The following AMPD2 variants were observed in gnomAD, a reference collection of about 807,000 sequenced individuals.
The protein encoded by AMPD2 is adenosine monophosphate deaminase 2.
A neutral mutation model predicts 91.3 loss-of-function variants in AMPD2; 52 were observed. The observed-to-expected ratio is 0.57, with a 90% CI of 0.46 to 0.72. The LOEUF (loss-of-function observed/expected upper bound fraction) is 0.72. Among genes scored for constraint, AMPD2 ranks in the 30% least tolerant of loss-of-function variants. AMPD2 has a pLI of 0.00. For synonymous variants in AMPD2, 455 were observed against 456.4 expected (o/e 1.00, Z 0.04); for missense variants, 822 against 1,122.3 (o/e 0.73, Z 3.82).
intron 1 of AMPD2, chr1:109,620,676 A>G: frequency 1.7e-6 from 2 of 1,202,046 alleles, no homozygotes; most frequent in Non-Finnish European, 2.1e-6. Context: ...TTCACGGAGT[A>G]TGCCTGCCCT....
At chr1:109,623,261 G>A (rs1193232775) in intron 2 of AMPD2, among the ~76,000 whole-genome samples, 4 of 152,126 alleles carry the variant, frequency 2.6e-5, no homozygotes, top group African/African-American at 4.8e-5. Context: ...ACCACTTATC[G>A]CCCCACTTGT....
chr1:109,621,898 CTG>C, intron 2 of AMPD2, among the ~76,000 whole-genome samples: 1 of 152,358 alleles, frequency 6.6e-6, no homozygotes, highest in Admixed American at 6.5e-5. Context: ...GCTGCCCGCA[CTG>C]TGTGTGCTTC....
At position 109,625,989 on chromosome 1, in the gene AMPD2, T is replaced by A. The variant is rs913514687; in HGVS notation, c.354-171T>A. 18 of 1,122,502 alleles carry A rather than the reference T, an allele frequency of 1.6e-5. No homozygotes were observed. The highest frequency in any genetic ancestry group is 2.2e-5 in the Non-Finnish European group (17 of 777,696). The allele number at this position is 1,122,502 out of a possible 1,614,324, so 69.5% of individuals were successfully genotyped here. ...TGGCTGGGTCATGTTGCTTAACTTA[T>A]GGGTCTGCTTTCTCATCTCTAAAGT... On this transcript the variant is annotated intron_variant, in intron 4 of 18. Transcript: ENST00000528667. This position sits in a 1 kb window ranked among gnomAD's most constrained non-coding sequence, Gnocchi z 4.0.
In AMPD2 at chr1:109,628,846, T is replaced by C. The variant is rs758380069; in HGVS notation, c.1571+40T>C. ...AGTGGGAGGGGAACCTGCGGGGTCATATTCAAGGGGTCAGGGCCTGCCTCC... is the reference window on the plus strand; with the variant it reads ...AGTGGGAGGGGAACCTGCGGGGTCACATTCAAGGGGTCAGGGCCTGCCTCC... On this transcript the variant is annotated intron_variant, in intron 13 of 18. Coordinates refer to ENST00000528667, the MANE Select transcript of AMPD2 (RefSeq NM_001368809.2). This position sits in a 1 kb window ranked among gnomAD's most constrained non-coding sequence, Gnocchi z 7.1. The C allele has an allele frequency of 1.3e-5, 20 of 1,538,360 alleles. No homozygotes were observed. The highest frequency in any genetic ancestry group is 6.0e-5 in the South Asian group (5 of 83,514).
chr1:109,630,204 C>T lies in AMPD2; in HGVS notation c.1984-29C>T, dbSNP rs768070764. On this transcript the variant is annotated intron_variant, in intron 16 of 18. Coordinates refer to ENST00000528667, the MANE Select transcript of AMPD2 (RefSeq NM_001368809.2). ...CCTGCCCAGCCTCGGGGCCACCTGA[C>T]AGGCCCTCCCTCCCTGTTGCCTGCC... is the stretch of plus-strand genomic sequence containing the variant. 7 of 1,608,470 alleles carry T rather than the reference C, an allele frequency of 4.4e-6. No homozygotes were observed. The East Asian group carries it at 1.1e-4, about 26-fold the overall frequency.
Position 109,620,079 on chromosome 1 carries a change from C to CG in AMPD2, c.-459dup. The CG allele has an allele frequency of 1.4e-6, 1 of 722,548 alleles. No individual in the cohort carries two copies. Among genetic ancestry groups the CG allele is most frequent in the South Asian group, 1.7e-5 (1 of 59,354 alleles). The allele number at this position is 722,548 out of a possible 1,614,324, so 44.8% of individuals were successfully genotyped here. A position where few individuals can be genotyped will look rare whatever the true frequency, so the allele number is the denominator to read the frequency against. On this transcript the variant is annotated 5_prime_UTR_variant, in exon 1 of 19. Coordinates refer to ENST00000528667, the MANE Select transcript of AMPD2 (RefSeq NM_001368809.2). ...AGGCCAGTCCGGCTGCCGAGGTCTG[C>CG]GGGAGTCCACCTCCGGCCAGCTGGC...
chr1:109,621,111 T>C lies in AMPD2; in HGVS notation c.-65T>C. On this transcript the variant is annotated 5_prime_UTR_variant, in exon 2 of 19. Transcript: ENST00000528667. ...GCGGGGCGGAGGAAGGGGTTGGATG[T>C]GGCAGAGCCAGGCCCCAGCCGGTGC... 2 of 1,602,746 alleles carry C rather than the reference T, an allele frequency of 1.2e-6. No individual in the cohort carries two copies. Among genetic ancestry groups the C allele is most frequent in the South Asian group, 1.1e-5 (1 of 89,700 alleles).
At position 109,630,695 on chromosome 1, in the gene AMPD2, GA is replaced by G. The variant is rs1172247113; in HGVS notation, c.2171del (p.Glu724GlyfsTer27). The G allele has an allele frequency of 6.2e-7, 1 of 1,611,688 alleles. No individual in the cohort carries two copies. The highest frequency in any genetic ancestry group is 1.7e-5 in the Admixed American group (1 of 59,888). ...CTGGCCCGTGCAGGAGCCGCTGATG[GA>G]GGAGTACAGCATCGCCACCCAGGTG... is the stretch of plus-strand genomic sequence containing the variant. ...QFHFTKEPLM[E>X]EYSIATQVWK... On this transcript the variant is annotated frameshift_variant, in exon 18 of 19. Transcript: ENST00000528667. LOFTEE classifies it high-confidence loss of function.
Position 109,628,388 on chromosome 1 carries a change from G to T in AMPD2, c.1300G>T (p.Asp434Tyr). ...GGACAGGAACACTTTCCATCGCTTT[G>T]ACAAGTTTAATGCCAAATACAACCC... ...HADRNTFHRF[D>Y]KFNAKYNPIG... Residue 434 changes from aspartate to tyrosine, a missense_variant, in exon 12 of 19, where the codon GAC (aspartate) becomes TAC (tyrosine). By Grantham distance (160) the Asp-to-Tyr change is radical. Coordinates refer to ENST00000528667, the MANE Select transcript of AMPD2 (RefSeq NM_001368809.2). The surrounding 1 kb of genome is among the most constrained non-coding windows in gnomAD (Gnocchi z 7.1). 1 of 1,614,080 alleles carries T rather than the reference G, an allele frequency of 6.2e-7. No homozygotes were observed. Among genetic ancestry groups the T allele is most frequent in the South Asian group, 1.1e-5 (1 of 91,076 alleles).
rs145268448 is a variant in AMPD2 at position 109,628,075 on chromosome 1, C to A, written c.1081-8C>A. On this transcript the variant is annotated splice_region_variant and splice_polypyrimidine_tract_variant and intron_variant, in intron 10 of 18. Coordinates refer to ENST00000528667, the MANE Select transcript of AMPD2 (RefSeq NM_001368809.2). The surrounding 1 kb of genome is among the most constrained non-coding windows in gnomAD (Gnocchi z 7.1). Reference sequence around the variant, plus strand: ...CTGGTGGATCAGCAGTGCCCTGTTCCATTCCAGGTGGACACCCACATCCAT... The same window carrying A: ...CTGGTGGATCAGCAGTGCCCTGTTCAATTCCAGGTGGACACCCACATCCAT... 6.8e-5 allele frequency: 110 copies of A among 1,612,204 alleles called. No individual in the cohort carries two copies. The African/African-American group carries it at 1.2e-3, about 17-fold the overall frequency.
rs774577244 is a variant in AMPD2 at position 109,627,919 on chromosome 1, G to C, written c.1080+16G>C. ...CATCCGCAAGGTGGGCCCTCACCCC[G>C]TGGCCGTCTCCATGTCCTCATCCCA... On this transcript the variant is annotated intron_variant, in intron 10 of 18. Coordinates refer to ENST00000528667, the MANE Select transcript of AMPD2 (RefSeq NM_001368809.2). 1 of 1,612,400 alleles carries C rather than the reference G, an allele frequency of 6.2e-7. No individual in the cohort carries two copies. Among genetic ancestry groups the C allele is most frequent in the Non-Finnish European group, 8.5e-7 (1 of 1,179,532 alleles).
At position 109,631,169 on chromosome 1, in the gene AMPD2, G is replaced by A. The variant is rs1651235416; in HGVS notation, c.*17G>A. On this transcript the variant is annotated 3_prime_UTR_variant, in exon 19 of 19. Coordinates refer to ENST00000528667, the MANE Select transcript of AMPD2 (RefSeq NM_001368809.2). ...CCTCAATGAGCCTGGTCCATGAAGT[G>A]CCCACCACATCGCAGCACTTTTACC... 6.4e-7 allele frequency: 1 copy of A among 1,563,856 alleles called. No individual in the cohort carries two copies. The highest frequency in any genetic ancestry group is 8.7e-7 in the Non-Finnish European group (1 of 1,153,670).
At position 109,628,865 on chromosome 1, in the gene AMPD2, T is replaced by C; in HGVS notation, c.1571+59T>C. 1 of 1,519,310 alleles carries C rather than the reference T, an allele frequency of 6.6e-7. No homozygotes were observed. The highest frequency in any genetic ancestry group is 8.9e-7 in the Non-Finnish European group (1 of 1,128,340). The allele number at this position is 1,519,310 out of a possible 1,614,324, so 94.1% of individuals were successfully genotyped here. A position where few individuals can be genotyped will look rare whatever the true frequency, so the allele number is the denominator to read the frequency against. On this transcript the variant is annotated intron_variant, in intron 13 of 18. Coordinates refer to ENST00000528667, the MANE Select transcript of AMPD2 (RefSeq NM_001368809.2). This position sits in a 1 kb window ranked among gnomAD's most constrained non-coding sequence, Gnocchi z 7.1. Reference sequence around the variant, plus strand: ...GGGTCATATTCAAGGGGTCAGGGCCTGCCTCCTGCCCTCCTAGGATGGCTG... The same window carrying C: ...GGGTCATATTCAAGGGGTCAGGGCCCGCCTCCTGCCCTCCTAGGATGGCTG...
At position 109,628,576 on chromosome 1, in the gene AMPD2, C is replaced by A. The variant is rs1650925759; in HGVS notation, c.1408-67C>A. ...GGGGGTGAGACTCAAGGAGGGTAGG[C>A]AGATGACCCCCTGAAGAGCTCTGAC... is the stretch of plus-strand genomic sequence containing the variant. On this transcript the variant is annotated intron_variant, in intron 12 of 18. Transcript: ENST00000528667. The surrounding 1 kb of genome is among the most constrained non-coding windows in gnomAD (Gnocchi z 7.1). The A allele has an allele frequency of 6.2e-7, 1 of 1,610,874 alleles. No individual in the cohort carries two copies.
Position 109,630,218 on chromosome 1 carries a change from C to T in AMPD2, c.1984-15C>T. ...GGGCCACCTGACAGGCCCTCCCTCC[C>T]TGTTGCCTGCCCAGGCCCCCGTCCT... On this transcript the variant is annotated splice_polypyrimidine_tract_variant and intron_variant, in intron 16 of 18. Transcript: ENST00000528667. 6.2e-6 allele frequency: 10 copies of T among 1,610,672 alleles called. No homozygotes were observed. Among genetic ancestry groups the T allele is most frequent in the Non-Finnish European group, 8.5e-6 (10 of 1,179,980 alleles).
rs746969636 is a variant in AMPD2, at chr1:109,628,856, G to A, written c.1571+50G>A. ...GAACCTGCGGGGTCATATTCAAGGGGTCAGGGCCTGCCTCCTGCCCTCCTA... is the reference window on the plus strand; with the variant it reads ...GAACCTGCGGGGTCATATTCAAGGGATCAGGGCCTGCCTCCTGCCCTCCTA... On this transcript the variant is annotated intron_variant, in intron 13 of 18. Coordinates refer to ENST00000528667, the MANE Select transcript of AMPD2 (RefSeq NM_001368809.2). The surrounding 1 kb of genome is among the most constrained non-coding windows in gnomAD (Gnocchi z 7.1). 156 of 1,528,308 alleles carry A rather than the reference G, an allele frequency of 1.0e-4. No homozygotes were observed. Among genetic ancestry groups the A allele is most frequent in the Non-Finnish European group, 1.4e-4 (156 of 1,133,180 alleles). The allele number at this position is 1,528,308 out of a possible 1,614,324, so 94.7% of individuals were successfully genotyped here.
intron 9 of AMPD2, 89 bp downstream of exon 9, chr1:109,627,607 G>A: frequency 6.4e-7 from 1 of 1,554,232 alleles, no homozygotes; most frequent in South Asian, 1.1e-5. Flanking sequence ...ATCACCTGGT[G>A]TCTTGCCCTT....
chr1:109,629,566 G>A, intron 15 of AMPD2, 76 bp downstream of exon 15: 1 of 1,565,208 alleles, frequency 6.4e-7, no homozygotes, highest in Non-Finnish European at 8.7e-7. Flanking sequence ...CCTTGGGCCA[G>A]GGCCACTAGA....
At position 109,628,453 on chromosome 1, in the gene AMPD2, G is replaced by A. The variant is rs751573284; in HGVS notation, c.1365G>A (p.Thr455=). 94 of 1,613,328 alleles carry A rather than the reference G, an allele frequency of 5.8e-5. No individual in the cohort carries two copies. Among genetic ancestry groups the A allele is most frequent in the South Asian group, 5.8e-4 (53 of 91,062 alleles). ...TCCTCCGAGAGATCTTCATCAAGACGGACAACAGGGTATCTGGGAAGTACT... is the reference window on the plus strand; with the variant it reads ...TCCTCCGAGAGATCTTCATCAAGACAGACAACAGGGTATCTGGGAAGTACT... ...ESVLREIFIK[T]DNRVSGKYFA... is the part of the protein sequence containing the mutation. The change falls in exon 12 of 19, where the codon ACG becomes ACA. Residue 455 remains threonine (T), a synonymous_variant. Coordinates refer to ENST00000528667, the MANE Select transcript of AMPD2 (RefSeq NM_001368809.2). This position sits in a 1 kb window ranked among gnomAD's most constrained non-coding sequence, Gnocchi z 7.1.
Sources: gnomAD v4.1 joint callset for allele counts (sites outside exome capture counted in the v4.1 genomes callset) on GRCh38, gnomAD v4.1.1 for gene constraint, Gnocchi (gnomAD v3.1) non-coding constraint, MANE v1.5 for transcripts, NCBI Gene and HGNC (gene_info 2026-07-23, HGNC 2026-07-21) for gene names.